CNBD2: variants seen among roughly 807,000 people sequenced by gnomAD.
CNBD2 encodes the protein cyclic nucleotide-binding domain-containing protein 2.
In CNBD2, 64 loss-of-function variants were observed where a neutral mutation model predicts 63.7. The observed-to-expected ratio is 1.00, with a 90% CI of 0.82 to 1.24. CNBD2 has a LOEUF of 1.24. Ranked by LOEUF, CNBD2 falls within the 50% of genes most tolerant of loss-of-function variation. The pLI is 0.00. For missense variants in CNBD2, 691 were observed against 713.5 expected, an observed-to-expected ratio of 0.97 and a Z score of 0.36; for synonymous variants, 229 against 255.4, an observed-to-expected ratio of 0.90 and a Z score of 0.99.
upstream of CNBD2, among the ~76,000 whole-genome samples, chr20:35,966,794 G>C (rs766078504): frequency 6.6e-6 from 1 of 152,168 alleles, no homozygotes; most frequent in Non-Finnish European, 1.5e-5. Flanking sequence ...GCCTCCCGCT[G>C]TAACAAAGTA....
At chr20:35,975,440 A>G (rs2056498618) in intron 2 of CNBD2, among the ~76,000 whole-genome samples, 1 of 104,550 alleles carries the variant, frequency 9.6e-6, no homozygotes, top group Non-Finnish European at 2.0e-5. Context: ...AGCTGGGACT[A>G]CAGGCGCCCG....
chr20:36,000,688 A>T (rs1456620142), intron 8 of CNBD2, among the ~76,000 whole-genome samples: 1 of 149,746 alleles, frequency 6.7e-6, no homozygotes, highest in African/African-American at 2.5e-5. Flanking sequence ...CCTCACGAGT[A>T]GCTGGGATTA....
rs185679747 is a variant in CNBD2, at chr20:35,995,730, T to C, written c.970+578T>C. On this transcript the variant is annotated intron_variant, in intron 8 of 11. Transcript: ENST00000373973. ...GTTTTGAATAATGTTGCTATGAACATTTGTATGCAAGTTTTTGTGTGAACA... is the reference window on the plus strand; with the variant it reads ...GTTTTGAATAATGTTGCTATGAACACTTGTATGCAAGTTTTTGTGTGAACA... Among the ~76,000 whole-genome samples, 12 of 152,370 alleles carry C rather than the reference T, an allele frequency of 7.9e-5. No homozygotes were observed. In the East Asian group the frequency reaches 1.9e-3, roughly 24 times the overall value.
At chr20:35,962,025 G>C (rs6060723) in intron 2 of CNBD2, among the ~76,000 whole-genome samples, 40,613 of 151,956 alleles carry the variant, frequency 0.27, 6,565 homozygotes, top group African/African-American at 0.46. Context: ...CTTTGGAGAA[G>C]TACGAGTTTT....
intron 7 of CNBD2, among the ~76,000 whole-genome samples, chr20:35,991,449 G>C (rs2056745087): frequency 6.6e-6 from 1 of 152,122 alleles, no homozygotes; most frequent in Admixed American, 6.6e-5. Flanking sequence ...AATATAAGTA[G>C]CAAAAGATTT....
At chr20:36,017,464 G>C (rs2057150900) in intron 10 of CNBD2, among the ~76,000 whole-genome samples, 1 of 152,146 alleles carries the variant, frequency 6.6e-6, no homozygotes, top group Non-Finnish European at 1.5e-5. Flanking sequence ...GGTCAGTCCA[G>C]TACTGTCTGG....
chr20:35,975,416 T>C (rs1417243207), intron 2 of CNBD2, among the ~76,000 whole-genome samples: 1 of 111,568 alleles, frequency 9.0e-6, no homozygotes, highest in Non-Finnish European at 1.9e-5. Context: ...TTCTCCTGCC[T>C]CAGCCTCCCG....
At chr20:35,966,745 T>C (rs2056347991), upstream of CNBD2, among the ~76,000 whole-genome samples, 1 of 152,178 alleles carries the variant, frequency 6.6e-6, no homozygotes, top group South Asian at 2.1e-4. Context: ...GAGTGGTCCC[T>C]GGGCTAAGGT....
upstream of CNBD2, among the ~76,000 whole-genome samples, chr20:35,967,201 C>T (rs1018678065): frequency 6.6e-6 from 1 of 151,214 alleles, no homozygotes; most frequent in East Asian, 1.9e-4. Flanking sequence ...CTGCTCATTC[C>T]CTCCTCTGCA....
intron 10 of CNBD2, among the ~76,000 whole-genome samples, chr20:36,012,822 CAAAAA>C (rs141479430): frequency 1.1e-5 from 1 of 87,200 alleles, no homozygotes. Flanking sequence ...AAATCCGTCT[CAAAAA>C]AAAAAAAAAA....
chr20:35,986,857 T>C (rs2056674158), intron 6 of CNBD2, among the ~76,000 whole-genome samples: 1 of 152,074 alleles, frequency 6.6e-6, no homozygotes, highest in Admixed American at 6.5e-5. Flanking sequence ...GTGGGGTGGG[T>C]TCACCCACAG....
At position 35,968,937 on chromosome 20, in the gene CNBD2, A is replaced by G. The variant is rs1034537235; in HGVS notation, c.51+124A>G. The G allele has an allele frequency of 4.2e-6, 3 of 707,644 alleles. No individual in the cohort carries two copies. The African/African-American group carries it at 5.3e-5, about 13-fold the overall frequency. 43.8% of individuals were successfully genotyped at this position (707,644 alleles called of 1,614,324 possible). On this transcript the variant is annotated intron_variant, in intron 1 of 11. Coordinates refer to ENST00000373973, the MANE Select transcript of CNBD2 (RefSeq NM_001365709.1). ...ATGGTGGCCATCCTGTACCTTTTGG[A>G]GTCACAGCATGGCACAAAGGAGGGA...
downstream of CNBD2, among the ~76,000 whole-genome samples, chr20:35,956,138 G>A (rs1432416700): frequency 6.6e-6 from 1 of 152,220 alleles, no homozygotes; most frequent in Non-Finnish European, 1.5e-5. Flanking sequence ...GTGCAGGATG[G>A]AGGAGCAGGT....
intron 1 of CNBD2, among the ~76,000 whole-genome samples, chr20:35,971,757 A>G (rs535380707): frequency 6.6e-6 from 1 of 152,242 alleles, no homozygotes; most frequent in East Asian, 1.9e-4. Context: ...CCAGGATCCA[A>G]TCAAGAAGCA....
chr20:35,997,005 G>A (rs143179591), intron 8 of CNBD2, among the ~76,000 whole-genome samples: 4 of 152,156 alleles, frequency 2.6e-5, no homozygotes, highest in South Asian at 2.1e-4. Flanking sequence ...GGACATAGAC[G>A]TTGTCAAGTA....
intron 4 of CNBD2, among the ~76,000 whole-genome samples, chr20:35,982,777 A>T (rs936941193): frequency 1.3e-5 from 2 of 151,312 alleles, no homozygotes; most frequent in African/African-American, 4.9e-5. Context: ...CAGTGGTATG[A>T]TCATGGCTCA....
At chr20:35,962,462 G>A (rs1482066408) in intron 2 of CNBD2, among the ~76,000 whole-genome samples, 3 of 151,928 alleles carry the variant, frequency 2.0e-5, no homozygotes, top group African/African-American at 4.8e-5. Flanking sequence ...GGGTTTCACC[G>A]TGTTATCCAG....
downstream of CNBD2, chr20:35,959,067 G>T (rs1480802119): frequency 6.6e-6 from 1 of 152,172 alleles, no homozygotes; most frequent in Non-Finnish European, 1.5e-5. Context: ...GTTACAAATA[G>T]AACTGCTATG....
At chr20:36,025,645 A>C (rs1478122601) in intron 11 of CNBD2, among the ~76,000 whole-genome samples, 1 of 150,360 alleles carries the variant, frequency 6.7e-6, no homozygotes, top group Non-Finnish European at 1.5e-5. Context: ...AGATTAGATA[A>C]TTTTTTTTTT....
Sources: allele counts gnomAD v4.1 joint callset (sites outside exome capture counted in the v4.1 genomes callset), GRCh38; gene constraint gnomAD v4.1.1; transcripts MANE v1.5; gene names NCBI Gene and HGNC (gene_info 2026-07-23, HGNC 2026-07-21).